TBX2: variants seen among roughly 807,000 people sequenced by gnomAD.
The protein encoded by TBX2 is T-box transcription factor TBX2.
In TBX2, 19 loss-of-function variants were observed where a neutral mutation model predicts 48.4. That is an observed-to-expected ratio of 0.39 (90% CI 0.27 to 0.58). TBX2 has a LOEUF of 0.58. Ranked by LOEUF, TBX2 falls within the 20% of genes least tolerant of loss-of-function variation. TBX2 has a pLI of 0.54. For missense variants in TBX2, 994 were observed against 1,006.5 expected (o/e 0.99, Z 0.17); for synonymous variants, 522 against 459.7 (o/e 1.14, Z -1.73).
chr17:61,402,482 G>A (rs542635263), intron 2 of TBX2, among the ~76,000 whole-genome samples: 1 of 148,428 alleles, frequency 6.7e-6, no homozygotes, highest in Admixed American at 6.7e-5. Flanking sequence ...TAGGAGGAGA[G>A]GGTTTGGGGG....
In TBX2 at chr17:61,408,225, C is replaced by T. The variant is rs373091690; in HGVS notation, c.1858C>T (p.Arg620Cys). ...CCTGGGCAGTGCCCGGCCCCGACTG[C>T]GTTTCAGCCCCTATCAGATCCCGGT... The part of the protein sequence containing the change: ...PFLGSARPRL[R>C]FSPYQIPVTI... Residue 620 changes from arginine to cysteine, a missense_variant, in exon 7 of 7, where the codon CGT (arginine) becomes TGT (cysteine). Physicochemically the swap from Arg to Cys is radical, Grantham distance 180. Coordinates refer to ENST00000240328, the MANE Select transcript of TBX2 (RefSeq NM_005994.4). 4 of 1,612,916 alleles carry T rather than the reference C, an allele frequency of 2.5e-6. No homozygotes were observed. Among genetic ancestry groups the T allele is most frequent in the Non-Finnish European group, 2.5e-6 (3 of 1,179,908 alleles).
intron 2 of TBX2, 137 bp downstream of exon 2, chr17:61,402,088 G>A (rs1260656112): frequency 2.3e-6 from 3 of 1,317,708 alleles, no homozygotes; most frequent in Non-Finnish European, 3.0e-6. Context: ...CCGGGTCACT[G>A]CCCTGTGGTC....
Position 61,408,141 on chromosome 17 carries a change from G to T in TBX2, c.1774G>T (p.Ala592Ser). 6.2e-7 allele frequency: 1 copy of T among 1,611,092 alleles called. No homozygotes were observed. The highest frequency in any genetic ancestry group is 8.5e-7 in the Non-Finnish European group (1 of 1,179,260). ...AGCCGCAGCCGCCTCGGCTTTGCCC[G>T]CCACTAGTGCTGCAGCTGCCGCCGC... ...AAAAAASALPATSAAAAAAAA... is the reference protein window; with the variant it reads ...AAAAAASALPSTSAAAAAAAA... Residue 592 changes from alanine to serine, a missense_variant, in exon 7 of 7, where the codon GCC (alanine) becomes TCC (serine). Coordinates refer to ENST00000240328, the MANE Select transcript of TBX2 (RefSeq NM_005994.4).
In TBX2 at chr17:61,408,624, A is replaced by G. The variant is rs2060298262; in HGVS notation, c.*118A>G. On this transcript the variant is annotated 3_prime_UTR_variant, in exon 7 of 7. Coordinates refer to ENST00000240328, the MANE Select transcript of TBX2 (RefSeq NM_005994.4). ...TAAATAAAGGAGAAAAGTGGGCTGC[A>G]GCAGCCGGAATAGAGCCTCGTCTGG... The G allele has an allele frequency of 9.6e-7, 1 of 1,038,578 alleles. No homozygotes were observed. The highest frequency in any genetic ancestry group is 1.7e-5 in the African/African-American group (1 of 59,460). The allele number at this position is 1,038,578 out of a possible 1,614,324, so 64.3% of individuals were successfully genotyped here. A position where few individuals can be genotyped will look rare whatever the true frequency, so the allele number is the denominator to read the frequency against.
chr17:61,401,032 G>T (rs9915629), intron 1 of TBX2, among the ~76,000 whole-genome samples: 4,890 of 152,234 alleles, frequency 0.032, 247 homozygotes, highest in African/African-American at 0.11. Context: ...GTTCCTGGCA[G>T]CGAGCCCCGG....
rs1264457431 is a variant in TBX2 at position 61,400,394 on chromosome 17, C to T, written c.218C>T (p.Ala73Val). The T allele has an allele frequency of 7.8e-7, 1 of 1,280,598 alleles. No homozygotes were observed. The highest frequency in any genetic ancestry group is 2.3e-5 in the South Asian group (1 of 44,060). 79.3% of individuals were successfully genotyped at this position (1,280,598 alleles called of 1,614,324 possible). The change falls in exon 1 of 7, where the codon GCG (alanine) becomes GTG (valine). Residue 73 changes from alanine to valine, a missense_variant. Around this residue, in one of 5 missense-constraint regions of TBX2, gnomAD observed 165 missense variants for 136.8 expected, o/e 1.21. Coordinates refer to ENST00000240328, the MANE Select transcript of TBX2 (RefSeq NM_005994.4). This position sits in a 1 kb window ranked among gnomAD's most constrained non-coding sequence, Gnocchi z 9.2. ...GCGGCGGCGGCAGCAGCGGCCGAGG[C>T]GGGGCTGCACGTCTCGGCACTGGGC... ...AAAAAAAAAE[A>V]GLHVSALGPH...
Position 61,403,790 on chromosome 17 carries a change from T to C in TBX2, c.810+583T>C, listed in dbSNP as rs1313647671. ...TGCGGCTTCTCCACCCTTGTTCTAGTGGGGCAGAGCATCACCCCTCTAGGC... is the reference window on the plus strand; with the variant it reads ...TGCGGCTTCTCCACCCTTGTTCTAGCGGGGCAGAGCATCACCCCTCTAGGC... On this transcript the variant is annotated intron_variant, in intron 3 of 6. Coordinates refer to ENST00000240328, the MANE Select transcript of TBX2 (RefSeq NM_005994.4). This position sits in a 1 kb window ranked among gnomAD's most constrained non-coding sequence, Gnocchi z 5.8. 1.3e-5 allele frequency among the ~76,000 whole-genome samples: 2 copies of C among 152,028 alleles called. No individual in the cohort carries two copies. Among genetic ancestry groups the C allele is most frequent in the East Asian group, 1.9e-4 (1 of 5,156 alleles).
At position 61,401,976 on chromosome 17, in the gene TBX2, C is replaced by T. The variant is rs759383922; in HGVS notation, c.663+25C>T. On this transcript the variant is annotated intron_variant, in intron 2 of 6. Coordinates refer to ENST00000240328, the MANE Select transcript of TBX2 (RefSeq NM_005994.4). ...CGTGAGTGTTGGGGCAGGGTGGGGA[C>T]GGTGCAGGAGCTTGTTGACCCAGCA... 2.7e-5 allele frequency: 42 copies of T among 1,572,866 alleles called. 1 individual carries two copies. The South Asian group carries it at 4.4e-4, about 17-fold the overall frequency.
In TBX2 at chr17:61,405,440, G is replaced by C. The variant is rs2060284656; in HGVS notation, c.1290G>C (p.Arg430=). 2 of 1,565,246 alleles carry C rather than the reference G, an allele frequency of 1.3e-6. No homozygotes were observed. Among genetic ancestry groups the C allele is most frequent in the African/African-American group, 1.3e-5 (1 of 74,164 alleles). ...RSLEKERAEA[R]RKDEGRKEAA... ...TGGAGAAGGAGCGCGCCGAAGCTCG[G>C]AGGAAGGACGAGGGGCGCAAGGAGG... The change falls in exon 6 of 7, where the codon CGG becomes CGC. Residue 430 remains arginine, a synonymous_variant. Transcript: ENST00000240328.
rs749435399 is a variant in TBX2 at position 61,408,224 on chromosome 17, G to A, written c.1857G>A (p.Leu619=). ...TCCTGGGCAGTGCCCGGCCCCGACT[G>A]CGTTTCAGCCCCTATCAGATCCCGG... is the stretch of plus-strand genomic sequence containing the variant. ...SPFLGSARPR[L]RFSPYQIPVT... Residue 619 remains leucine, a synonymous_variant, in exon 7 of 7, where the codon CTG becomes CTA. Coordinates refer to ENST00000240328, the MANE Select transcript of TBX2 (RefSeq NM_005994.4). 2 of 1,612,886 alleles carry A rather than the reference G, an allele frequency of 1.2e-6. No homozygotes were observed. Among genetic ancestry groups the A allele is most frequent in the East Asian group, 4.5e-5 (2 of 44,866 alleles).
At chr17:61,402,084 C>T (rs375451178) in intron 2 of TBX2, 133 bp downstream of exon 2, 7 of 1,350,902 alleles carry the variant, frequency 5.2e-6, no homozygotes, top group Non-Finnish European at 6.9e-6. Context: ...CTGCCCGGGT[C>T]ACTGCCCTGT....
chr17:61,406,227 A>G lies in TBX2; in HGVS notation c.1686+391A>G, dbSNP rs997883020. Reference sequence around the variant, plus strand: ...GCCTCAGGACATTTTTCTTGAGAACAAAGACCCTTGGCTCCCTGTCCATTC... The same window carrying G: ...GCCTCAGGACATTTTTCTTGAGAACGAAGACCCTTGGCTCCCTGTCCATTC... On this transcript the variant is annotated intron_variant, in intron 6 of 6. Coordinates refer to ENST00000240328, the MANE Select transcript of TBX2 (RefSeq NM_005994.4). This position sits in a 1 kb window ranked among gnomAD's most constrained non-coding sequence, Gnocchi z 5.7. 1.1e-5 allele frequency: 2 copies of G among 189,126 alleles called. No homozygotes were observed. Among genetic ancestry groups the G allele is most frequent in the Non-Finnish European group, 1.1e-5 (1 of 92,774 alleles). 11.7% of individuals were successfully genotyped at this position (189,126 alleles called of 1,614,324 possible).
At chr17:61,404,543 CA>C (rs1342797503) in intron 4 of TBX2, 46 bp downstream of exon 4, 1 of 1,588,708 alleles carries the variant, frequency 6.3e-7, no homozygotes, top group African/African-American at 1.3e-5. Flanking sequence ...CCCGCGGGAG[CA>C]GCGAGCAGGA....
Position 61,403,881 on chromosome 17 carries a change from C to T in TBX2, c.811-540C>T, listed in dbSNP as rs368503122. On this transcript the variant is annotated intron_variant, in intron 3 of 6. Transcript: ENST00000240328. This position sits in a 1 kb window ranked among gnomAD's most constrained non-coding sequence, Gnocchi z 5.8. The stretch of plus-strand genomic sequence containing the variant: ...CGAGTGTCCGTGCCGGTCGTTGTGG[C>T]TTTGTGAACCAAGGTGTACGCTGGG... 5.3e-5 allele frequency among the ~76,000 whole-genome samples: 8 copies of T among 152,134 alleles called. No individual in the cohort carries two copies. In the East Asian group the frequency reaches 9.6e-4, roughly 18 times the overall value.
At position 61,404,812 on chromosome 17, in the gene TBX2, G is replaced by A. The variant is rs9891115; in HGVS notation, c.1051+43G>A. ...GGAGGGACAGGGAGGTGGCGGCGGG[G>A]GGTCCTCAGGTCGCTGGGCTGGTCT... is the stretch of plus-strand genomic sequence containing the variant. On this transcript the variant is annotated intron_variant, in intron 5 of 6. Coordinates refer to ENST00000240328, the MANE Select transcript of TBX2 (RefSeq NM_005994.4). 1,037,435 of 1,535,804 alleles carry A rather than the reference G, an allele frequency of 0.68. 362,698 individuals are homozygous for A. The highest frequency in any genetic ancestry group is 0.73 in the Non-Finnish European group (837,833 of 1,146,184).
rs528883638 is a variant in TBX2 at position 61,408,425 on chromosome 17, T to A, written c.2058T>A (p.Asn686Lys). The change falls in exon 7 of 7, where the codon AAT (asparagine) becomes AAA (lysine). Residue 686 changes from asparagine (N) to lysine (K), a missense_variant. By Grantham distance (94) the Asn-to-Lys change is moderately conservative (BLOSUM62 0). Transcript: ENST00000240328. ...SPSGSAKEAA[N>K]ELQSIQRLVS... The stretch of plus-strand genomic sequence containing the variant: ...GTGGCTCGGCCAAGGAGGCGGCCAA[T>A]GAACTGCAGAGCATCCAGAGACTGG... 96 of 1,533,966 alleles carry A rather than the reference T, an allele frequency of 6.3e-5. No individual in the cohort carries two copies. The South Asian group carries it at 1.1e-3, about 18-fold the overall frequency.
Position 61,403,352 on chromosome 17 carries a change from C to A in TBX2, c.810+145C>A. ...GCCCCCGAGCACCGAGCCTCGCATCCATACGCGCAGCACTCACGGAAGTCC... is the reference window on the plus strand; with the variant it reads ...GCCCCCGAGCACCGAGCCTCGCATCAATACGCGCAGCACTCACGGAAGTCC... On this transcript the variant is annotated intron_variant, in intron 3 of 6. Coordinates refer to ENST00000240328, the MANE Select transcript of TBX2 (RefSeq NM_005994.4). This position sits in a 1 kb window ranked among gnomAD's most constrained non-coding sequence, Gnocchi z 5.8. 1 of 1,331,658 alleles carries A rather than the reference C, an allele frequency of 7.5e-7. No individual in the cohort carries two copies. Among genetic ancestry groups the A allele is most frequent in the Non-Finnish European group, 1.0e-6 (1 of 992,288 alleles). The allele number at this position is 1,331,658 out of a possible 1,614,324, so 82.5% of individuals were successfully genotyped here.
rs1031462788 is a variant in TBX2 at position 61,409,280 on chromosome 17, G to C, written c.*774G>C. On this transcript the variant is annotated 3_prime_UTR_variant, in exon 7 of 7. Coordinates refer to ENST00000240328, the MANE Select transcript of TBX2 (RefSeq NM_005994.4). ...CAGGGCTGGGGGGGCCCTTGGCTGC[G>C]GGAGAAGGCCCAGAGCCCTGGAGGA... The C allele has an allele frequency of 5.3e-5, 8 of 152,364 alleles. No individual in the cohort carries two copies. The highest frequency in any genetic ancestry group is 1.9e-4 in the African/African-American group (8 of 41,410). The allele number at this position is 152,364 out of a possible 1,614,324, so 9.4% of individuals were successfully genotyped here.
chr17:61,400,380 A>C lies in TBX2; in HGVS notation c.204A>C (p.Ala68=). Residue 68 remains alanine (A), a synonymous_variant, in exon 1 of 7, where the codon GCA becomes GCC. Transcript: ENST00000240328. The surrounding 1 kb of genome is among the most constrained non-coding windows in gnomAD (Gnocchi z 9.2). ...AGAAAAAAAA[A]AAAEAGLHVS... Reference sequence around the variant, plus strand: ...CGGCGGCCGCGGCGGCGGCGGCGGCAGCAGCGGCCGAGGCGGGGCTGCACG... The same window carrying C: ...CGGCGGCCGCGGCGGCGGCGGCGGCCGCAGCGGCCGAGGCGGGGCTGCACG... 2 of 1,142,720 alleles carry C rather than the reference A, an allele frequency of 1.8e-6. No homozygotes were observed. The highest frequency in any genetic ancestry group is 2.1e-6 in the Non-Finnish European group (2 of 930,974). The allele number at this position is 1,142,720 out of a possible 1,614,324, so 70.8% of individuals were successfully genotyped here.
Sources: gnomAD v4.1 joint callset for allele counts (sites outside exome capture counted in the v4.1 genomes callset) on GRCh38, gnomAD v4.1.1 for gene constraint, gnomAD v4.1.1 regional missense constraint, Gnocchi (gnomAD v3.1) non-coding constraint, MANE v1.5 for transcripts, NCBI Gene and HGNC (gene_info 2026-07-23, HGNC 2026-07-21) for gene names.